Variants in RIMS1 observed in about 807,000 individuals in gnomAD.
RIMS1 encodes the protein regulating synaptic membrane exocytosis 1.
A neutral mutation model predicts 214.1 loss-of-function variants in RIMS1; 83 were observed. The ratio of observed to expected loss-of-function variants is 0.39; its 90% CI spans 0.32 to 0.47. RIMS1 has a LOEUF of 0.47. RIMS1 is among the 20% of genes least tolerant of loss of function. RIMS1 has a pLI of 0.99. For synonymous variants in RIMS1, 793 were observed against 786.8 expected, an observed-to-expected ratio of 1.01 and a Z score of -0.13; for missense variants, 2,050 against 2,161.8, an observed-to-expected ratio of 0.95 and a Z score of 1.03.
Position 72,242,295 on chromosome 6 carries a change from C to T in RIMS1, c.1958-19C>T. 6.6e-7 allele frequency: 1 copy of T among 1,522,982 alleles called. No individual in the cohort carries two copies. The highest frequency in any genetic ancestry group is 8.9e-7 in the Non-Finnish European group (1 of 1,126,818). The allele number at this position is 1,522,982 out of a possible 1,614,324, so 94.3% of individuals were successfully genotyped here. On this transcript the variant is annotated intron_variant, in intron 9 of 33. Transcript: ENST00000521978. ...CAGAATATATAAGGTAAAAAAATAC[C>T]CTTTTTTTTAAATTCAAGGGGATGA...
chr6:72,224,930 T>C (rs2059729791), intron 6 of RIMS1, among the ~76,000 whole-genome samples: 1 of 152,210 alleles, frequency 6.6e-6, no homozygotes, highest in Non-Finnish European at 1.5e-5. Context: ...TTAATATGGC[T>C]ATCTAGAAGT....
intron 29 of RIMS1, among the ~76,000 whole-genome samples, chr6:72,374,974 T>G (rs1028271045): frequency 6.6e-6 from 1 of 152,086 alleles, no homozygotes; most frequent in African/African-American, 2.4e-5. Context: ...TAGGGTTCAT[T>G]CTCTTATGAG....
intron 26 of RIMS1, among the ~76,000 whole-genome samples, chr6:72,306,335 T>C (rs1254442455): frequency 6.6e-6 from 1 of 152,108 alleles, no homozygotes; most frequent in African/African-American, 2.4e-5. Flanking sequence ...AGTTGGCAAA[T>C]GTTGTATAAA....
intron 4 of RIMS1, among the ~76,000 whole-genome samples, chr6:72,161,986 G>A (rs1326256331): frequency 7.1e-6 from 1 of 140,338 alleles, no homozygotes; most frequent in Non-Finnish European, 1.6e-5. Context: ...TTGATAGTGG[G>A]GTGTTAAATC....
rs769020073 is a variant in RIMS1 at position 72,182,679 on chromosome 6, C to T, written c.1208C>T (p.Ala403Val). 1 of 1,449,388 alleles carries T rather than the reference C, an allele frequency of 6.9e-7. No individual in the cohort carries two copies. The highest frequency in any genetic ancestry group is 9.0e-7 in the Non-Finnish European group (1 of 1,108,326). The allele number at this position is 1,449,388 out of a possible 1,614,324, so 89.8% of individuals were successfully genotyped here. Residue 403 changes from alanine (A) to valine (V), a missense_variant, in exon 6 of 34, where the codon GCG becomes GTG. Ala to Val is a moderately conservative substitution (Grantham distance 64). Around this residue, in one of 6 missense-constraint regions of RIMS1, gnomAD observed 882 missense variants for 828.9 expected, o/e 1.06. Coordinates refer to ENST00000521978, the MANE Select transcript of RIMS1 (RefSeq NM_014989.7). ...VALPRTEAGA[A>V]LPEGKAGKRA... ...CTCCCGCGCACCGAGGCGGGCGCGG[C>T]GCTGCCGGAGGGCAAGGCCGGCAAA...
At chr6:72,153,775 T>C (rs553282889) in intron 4 of RIMS1, among the ~76,000 whole-genome samples, 1 of 152,326 alleles carries the variant, frequency 6.6e-6, no homozygotes, top group South Asian at 2.1e-4. Flanking sequence ...TATACTGGTA[T>C]CTTCTTAAAT....
At chr6:71,917,938 A>G (rs548615667) in intron 1 of RIMS1, among the ~76,000 whole-genome samples, 8 of 152,256 alleles carry the variant, frequency 5.3e-5, no homozygotes, top group African/African-American at 1.7e-4. Flanking sequence ...ATTTGCTGTG[A>G]TGGTGTTCAC....
chr6:72,382,581 A>G (rs1363341251), intron 29 of RIMS1, among the ~76,000 whole-genome samples: 7 of 152,230 alleles, frequency 4.6e-5, no homozygotes, highest in Non-Finnish European at 1.5e-5. Context: ...GGATAGCATT[A>G]ATAACACTAC....
chr6:72,246,424 G>T (rs1244127250), intron 11 of RIMS1, among the ~76,000 whole-genome samples: 1 of 152,152 alleles, frequency 6.6e-6, no homozygotes, highest in South Asian at 2.1e-4. Context: ...AGATGATATT[G>T]TGTGCAATAA....
At chr6:72,030,675 T>C (rs1163858476) in intron 2 of RIMS1, among the ~76,000 whole-genome samples, 8 of 152,148 alleles carry the variant, frequency 5.3e-5, no homozygotes. Flanking sequence ...TATTCACTTT[T>C]CTAAAATTTT....
chr6:72,147,494 A>G (rs1216879589), intron 4 of RIMS1, among the ~76,000 whole-genome samples: 1 of 152,158 alleles, frequency 6.6e-6, no homozygotes, highest in Non-Finnish European at 1.5e-5. Context: ...CATGAGGAAA[A>G]CAGAAATTTT....
At chr6:72,108,183 T>G (rs2035176410) in intron 4 of RIMS1, among the ~76,000 whole-genome samples, 1 of 152,128 alleles carries the variant, frequency 6.6e-6, no homozygotes, top group Non-Finnish European at 1.5e-5. Context: ...TAGCTGGGAC[T>G]GAGGTGGCTG....
At chr6:71,987,256 G>A (rs1480528581) in intron 2 of RIMS1, among the ~76,000 whole-genome samples, 2 of 152,160 alleles carry the variant, frequency 1.3e-5, no homozygotes, top group Non-Finnish European at 2.9e-5. Flanking sequence ...TTTTGACTAG[G>A]TAGCTTTAAA....
In RIMS1 at chr6:72,248,087, C is replaced by A. The variant is rs769900651; in HGVS notation, c.2201C>A (p.Ala734Asp). The A allele has an allele frequency of 4.3e-6, 7 of 1,612,894 alleles. No homozygotes were observed. The South Asian group carries it at 6.6e-5, about 15-fold the overall frequency. ...GTTATTTCTCCAACAAGTCCTGGAG[C>A]TCTAAAAGATGCCCCACAAGTCTTA... The part of the protein sequence containing the change: ...ISVISPTSPG[A>D]LKDAPQVLPG... The change falls in exon 12 of 34, where the codon GCT (alanine) becomes GAT (aspartate). Residue 734 changes from alanine (A) to aspartate (D), a missense_variant. Transcript: ENST00000521978.
chr6:72,336,071 T>C (rs1272667462), intron 29 of RIMS1, among the ~76,000 whole-genome samples: 4 of 151,860 alleles, frequency 2.6e-5, no homozygotes, highest in Non-Finnish European at 5.9e-5. Flanking sequence ...AATACTTAAA[T>C]GAAATGGAAA....
At chr6:72,152,500 A>G (rs1257013070) in intron 4 of RIMS1, among the ~76,000 whole-genome samples, 2 of 151,998 alleles carry the variant, frequency 1.3e-5, no homozygotes, top group South Asian at 2.1e-4. Flanking sequence ...CTGTTCTCCA[A>G]CTGTATCACC....
intron 2 of RIMS1, among the ~76,000 whole-genome samples, chr6:72,029,124 C>T (rs542711192): frequency 6.6e-6 from 1 of 152,206 alleles, no homozygotes; most frequent in African/African-American, 2.4e-5. Flanking sequence ...GGAATTTTTG[C>T]TTTATTATTT....
intron 11 of RIMS1, among the ~76,000 whole-genome samples, chr6:72,246,372 G>T (rs2069713313): frequency 6.6e-6 from 1 of 152,274 alleles, no homozygotes; most frequent in East Asian, 1.9e-4. Flanking sequence ...AGGGTTGAAA[G>T]AATTATCTAT....
intron 1 of RIMS1, among the ~76,000 whole-genome samples, chr6:71,930,399 T>C (rs1782694275): frequency 6.6e-6 from 1 of 152,038 alleles, no homozygotes; most frequent in African/African-American, 2.4e-5. Context: ...TCAATAAAAC[T>C]TGGTATCATT....
Sources: allele counts gnomAD v4.1 joint callset (sites outside exome capture counted in the v4.1 genomes callset), GRCh38; gene constraint gnomAD v4.1.1; regional missense constraint gnomAD v4.1.1; transcripts MANE v1.5; gene names NCBI Gene and HGNC (gene_info 2026-07-23, HGNC 2026-07-21).